Variants in SLC36A1 observed in about 807,000 individuals in gnomAD.
SLC36A1 encodes the protein solute carrier family 36 member 1, also known as proton-coupled amino acid transporter 1.
In SLC36A1, 30 loss-of-function variants were observed where a neutral mutation model predicts 47.5. The ratio of observed to expected loss-of-function variants is 0.63; its 90% CI spans 0.47 to 0.86. The LOEUF (loss-of-function observed/expected upper bound fraction) is 0.86. Ranked by LOEUF, SLC36A1 falls within the 40% of genes least tolerant of loss-of-function variation. The probability of loss-of-function intolerance (pLI) is 0.00; values close to 1 mark genes in which losing one functional copy is unlikely to be tolerated. For missense variants in SLC36A1, 517 were observed against 606.0 expected, an observed-to-expected ratio of 0.85 and a Z score of 1.54; for synonymous variants, 255 against 249.7, an observed-to-expected ratio of 1.02 and a Z score of -0.20.
At chr5:151,363,829 ACC>A in the SLC36A1 span, among the ~76,000 whole-genome samples, 1 of 152,206 alleles carries the variant, frequency 6.6e-6, no homozygotes, top group African/African-American at 2.4e-5. Flanking sequence ...ATACACTAGA[ACC>A]ACAAGAGATC....
chr5:151,462,436 C>T (rs563423922), intron 2 of SLC36A1, among the ~76,000 whole-genome samples: 134 of 151,752 alleles, frequency 8.8e-4, no homozygotes, highest in Non-Finnish European at 1.5e-3. Context: ...ACAATCTTGG[C>T]TCACTGCAAC....
chr5:151,551,605 A>G, the SLC36A1 span: 3 of 1,613,972 alleles, frequency 1.9e-6, no homozygotes, highest in African/African-American at 2.7e-5. Context: ...CCTTATCCCC[A>G]CCTAGAGTGG....
the SLC36A1 span, among the ~76,000 whole-genome samples, chr5:151,385,241 G>A: frequency 5.7e-4 from 87 of 152,254 alleles, 1 homozygote; most frequent in African/African-American, 1.8e-3. Flanking sequence ...TTTGAGACTT[G>A]GAAATGACCC....
At chr5:151,546,720 T>G in the SLC36A1 span, among the ~76,000 whole-genome samples, 3 of 151,948 alleles carry the variant, frequency 2.0e-5, no homozygotes, top group African/African-American at 7.2e-5. Context: ...ATCTTTTGTA[T>G]AACTTTTTTT....
the SLC36A1 span, among the ~76,000 whole-genome samples, chr5:151,413,476 A>G: frequency 6.6e-6 from 1 of 152,222 alleles, no homozygotes; most frequent in Non-Finnish European, 1.5e-5. Context: ...TAGCATATCA[A>G]TATCATAGTC....
chr5:151,507,479 G>A, the SLC36A1 span: 44 of 1,614,040 alleles, frequency 2.7e-5, no homozygotes, highest in Non-Finnish European at 3.5e-5. Flanking sequence ...AGAGAAGCCC[G>A]ACAGTGCTTA....
At chr5:151,433,237 TATATATATATATATATATATATATATATA>T (rs1561704681), upstream of SLC36A1, among the ~76,000 whole-genome samples, 55 of 9,340 alleles carry the variant, frequency 5.9e-3, no homozygotes, top group East Asian at 9.2e-3. Flanking sequence ...TATATATATA[TATATATATATATATATATATATATATATA>T]TTTTTTTTTT....
the SLC36A1 span, among the ~76,000 whole-genome samples, chr5:151,502,808 A>G: frequency 6.7e-6 from 1 of 148,426 alleles, no homozygotes; most frequent in African/African-American, 2.6e-5. Context: ...TAGCAGTTGT[A>G]TTCATAGTTG....
the SLC36A1 span, among the ~76,000 whole-genome samples, chr5:151,421,885 C>G: frequency 6.6e-6 from 1 of 152,120 alleles, no homozygotes; most frequent in South Asian, 2.1e-4. Flanking sequence ...CCACCGCGCC[C>G]GGCTGTCTTG....
chr5:151,548,670 G>A, the SLC36A1 span, among the ~76,000 whole-genome samples: 8 of 152,194 alleles, frequency 5.3e-5, no homozygotes, highest in South Asian at 2.1e-4. Flanking sequence ...TAGTAGAGAC[G>A]GAGTTTCACC....
intron 9 of SLC36A1, 82 bp downstream of exon 9, chr5:151,476,838 C>T: frequency 1.3e-6 from 2 of 1,524,414 alleles, no homozygotes; most frequent in Non-Finnish European, 1.8e-6. Context: ...CTCCCTCTTA[C>T]TTATCTCTTA....
chr5:151,415,765 G>A, the SLC36A1 span, among the ~76,000 whole-genome samples: 3 of 152,288 alleles, frequency 2.0e-5, no homozygotes, highest in East Asian at 5.8e-4. Context: ...GAATTAAGGA[G>A]TGAATGAGGC....
At chr5:151,347,667 AGAG>A in the SLC36A1 span, 2 of 592,202 alleles carry the variant, frequency 3.4e-6, no homozygotes, top group East Asian at 2.9e-5. Flanking sequence ...ACTCCTGGGA[AGAG>A]GAGGAGAGGA....
At chr5:151,542,587 A>C in the SLC36A1 span, 1 of 1,614,178 alleles carries the variant, frequency 6.2e-7, no homozygotes, top group South Asian at 1.1e-5. Flanking sequence ...AATGGCAAAG[A>C]GCTCATGGAC....
At chr5:151,433,251 TATATATATATATA>T (rs1230992149), upstream of SLC36A1, among the ~76,000 whole-genome samples, 241 of 18,384 alleles carry the variant, frequency 0.013, 2 homozygotes, top group African/African-American at 0.049. Flanking sequence ...TATATATATA[TATATATATATATA>T]TATTTTTTTT....
chr5:151,469,992 TGTGA>T (rs1163392983), intron 7 of SLC36A1, among the ~76,000 whole-genome samples: 19 of 152,184 alleles, frequency 1.2e-4, no homozygotes, highest in African/African-American at 4.6e-4. Flanking sequence ...CATTTTGCTC[TGTGA>T]GTATTGACTG....
chr5:151,352,669 C>T, the SLC36A1 span, among the ~76,000 whole-genome samples: 13 of 152,192 alleles, frequency 8.5e-5, no homozygotes, highest in Admixed American at 7.9e-4. Flanking sequence ...TTCTTCCTAG[C>T]TTCTAGAGCA....
At chr5:151,360,390 C>T in the SLC36A1 span, among the ~76,000 whole-genome samples, 3 of 152,086 alleles carry the variant, frequency 2.0e-5, no homozygotes, top group Non-Finnish European at 4.4e-5. Flanking sequence ...AAGAGAATCA[C>T]AAGGAAGAGA....
At chr5:151,416,699 T>G in the SLC36A1 span, among the ~76,000 whole-genome samples, 1 of 152,156 alleles carries the variant, frequency 6.6e-6, no homozygotes, top group Non-Finnish European at 1.5e-5. Flanking sequence ...GACTACAAAC[T>G]TTAGCTACCA....
Sources: allele counts gnomAD v4.1 joint callset (sites outside exome capture counted in the v4.1 genomes callset), GRCh38; gene constraint gnomAD v4.1.1; transcripts MANE v1.5; gene names NCBI Gene and HGNC (gene_info 2026-07-23, HGNC 2026-07-21).